NELL1: variants seen among roughly 807,000 people sequenced by gnomAD.
The protein encoded by NELL1 is neural EGFL like 1.
NELL1 carries 76 observed loss-of-function variants against 107.4 expected under a neutral mutation model. The ratio of observed to expected loss-of-function variants is 0.71; its 90% confidence interval spans 0.59 to 0.86. The LOEUF is 0.86. Among genes scored for constraint, NELL1 ranks in the 40% least tolerant of loss-of-function variants. The pLI, the probability that NELL1 is intolerant of heterozygous loss-of-function variation, is 0.00. For synonymous variants in NELL1, 353 were observed against 341.2 expected (o/e 1.03, Z -0.38); for missense variants, 1,024 against 1,005.5 (o/e 1.02, Z -0.25).
intron 2 of NELL1, among the ~76,000 whole-genome samples, chr11:20,753,615 T>G (rs1163744694): frequency 6.6e-6 from 1 of 152,228 alleles, no homozygotes. Context: ...GTCTAAAAGA[T>G]CAATAGCCAA....
intron 13 of NELL1, among the ~76,000 whole-genome samples, chr11:21,149,418 G>A (rs919161952): frequency 6.6e-6 from 1 of 152,182 alleles, no homozygotes. Context: ...AGGCAAAGGA[G>A]GAGCAAAGTC....
At chr11:21,280,099 A>G (rs1280624654) in intron 14 of NELL1, among the ~76,000 whole-genome samples, 5 of 152,192 alleles carry the variant, frequency 3.3e-5, no homozygotes, top group African/African-American at 1.2e-4. Flanking sequence ...TTTTTAAGGC[A>G]GTGAAACTAC....
chr11:20,962,500 C>A (rs574895213), intron 12 of NELL1, among the ~76,000 whole-genome samples: 1 of 152,274 alleles, frequency 6.6e-6, no homozygotes, highest in South Asian at 2.1e-4. Flanking sequence ...TCAGCATAGC[C>A]ACCATTCCTG....
intron 12 of NELL1, among the ~76,000 whole-genome samples, chr11:21,037,307 C>G (rs1853117238): frequency 6.6e-6 from 1 of 152,048 alleles, no homozygotes; most frequent in Admixed American, 6.6e-5. Context: ...TTGGCTTCTT[C>G]TAAGTGCATT....
chr11:21,258,111 C>A (rs1336445119), intron 14 of NELL1, among the ~76,000 whole-genome samples: 1 of 152,018 alleles, frequency 6.6e-6, no homozygotes, highest in Non-Finnish European at 1.5e-5. Context: ...GGTTTGGATT[C>A]TTATCTGGGG....
rs565293041 is a variant in NELL1, at chr11:21,215,768, G to A, written c.1427-13564G>A. Among the ~76,000 whole-genome samples the A allele has an allele frequency of 3.3e-5, 5 of 152,262 alleles. No homozygotes were observed. The South Asian group carries it at 1.0e-3, about 32-fold the overall frequency. Reference sequence around the variant, plus strand: ...AGATGATTTAGGGTGATTTGTGGAAGGAATTTCTAAGTAGCAAAGCATTCA... The same window carrying A: ...AGATGATTTAGGGTGATTTGTGGAAAGAATTTCTAAGTAGCAAAGCATTCA... On this transcript the variant is annotated intron_variant, in intron 13 of 19. Transcript: ENST00000357134.
intron 12 of NELL1, among the ~76,000 whole-genome samples, chr11:21,016,968 C>A (rs1160539586): frequency 6.6e-6 from 1 of 152,088 alleles, no homozygotes; most frequent in Non-Finnish European, 1.5e-5. Flanking sequence ...TCTCTGGTCT[C>A]AATTCCTAGG....
chr11:21,016,932 T>C (rs1852579158), intron 12 of NELL1, among the ~76,000 whole-genome samples: 2 of 152,094 alleles, frequency 1.3e-5, no homozygotes. Context: ...TTATGAGCTA[T>C]GTTACCCTGG....
At chr11:21,192,857 G>C (rs547921913) in intron 13 of NELL1, among the ~76,000 whole-genome samples, 2 of 151,958 alleles carry the variant, frequency 1.3e-5, no homozygotes, top group Admixed American at 1.3e-4. Flanking sequence ...ACTCCCCACT[G>C]GGGCAAACTT....
At chr11:21,295,024 T>C (rs1387387657) in intron 14 of NELL1, among the ~76,000 whole-genome samples, 1 of 152,126 alleles carries the variant, frequency 6.6e-6, no homozygotes, top group Non-Finnish European at 1.5e-5. Context: ...CGTTCTGTTA[T>C]TCCACAGCTA....
intron 15 of NELL1, among the ~76,000 whole-genome samples, chr11:21,402,290 C>T (rs1208913912): frequency 6.6e-6 from 1 of 151,814 alleles, no homozygotes; most frequent in East Asian, 2.0e-4. Flanking sequence ...TTTCCTCACA[C>T]TCTTCTCAAC....
intron 12 of NELL1, among the ~76,000 whole-genome samples, chr11:21,104,798 G>A (rs1301252294): frequency 2.6e-5 from 4 of 152,158 alleles, no homozygotes; most frequent in African/African-American, 7.2e-5. Flanking sequence ...AGACTAGATG[G>A]CTTGCACAAC....
intron 14 of NELL1, among the ~76,000 whole-genome samples, chr11:21,272,207 T>C (rs1848754090): frequency 2.0e-5 from 3 of 152,204 alleles, no homozygotes; most frequent in Non-Finnish European, 2.9e-5. Context: ...CCCACCCTAA[T>C]ACTGCACTTT....
At chr11:21,472,832 CCCTTT>C (rs1854217927) in intron 15 of NELL1, among the ~76,000 whole-genome samples, 1 of 151,060 alleles carries the variant, frequency 6.6e-6, no homozygotes, top group Non-Finnish European at 1.5e-5. Flanking sequence ...CCCTTCCCTT[CCCTTT>C]CCTTCCCTTC....
intron 12 of NELL1, among the ~76,000 whole-genome samples, chr11:21,014,611 T>C (rs1852523568): frequency 1.3e-5 from 2 of 152,240 alleles, no homozygotes; most frequent in South Asian, 4.1e-4. Flanking sequence ...ATTATTTGCC[T>C]GCAAATTGCT....
chr11:21,550,929 G>T lies in NELL1; in HGVS notation c.1787-9260G>T, dbSNP rs570361659. On this transcript the variant is annotated intron_variant, in intron 16 of 19. Coordinates refer to ENST00000357134, the MANE Select transcript of NELL1 (RefSeq NM_006157.5). ...GGCATTGAATCTATAAATTACCTTG[G>T]GCAGTATGGCCATTTTCACGATGTT... Among the ~76,000 whole-genome samples, 32 of 151,394 alleles carry T rather than the reference G, an allele frequency of 2.1e-4. No individual in the cohort carries two copies. The South Asian group carries it at 6.5e-3, about 31-fold the overall frequency.
intron 2 of NELL1, among the ~76,000 whole-genome samples, chr11:20,755,293 T>C (rs894985261): frequency 5.9e-5 from 9 of 152,288 alleles, no homozygotes; most frequent in Non-Finnish European, 1.2e-4. Flanking sequence ...GATCCAGTTG[T>C]AGTCGCCTAT....
chr11:20,778,158 A>AT (rs1199202596), intron 2 of NELL1, among the ~76,000 whole-genome samples: 6 of 152,132 alleles, frequency 3.9e-5, no homozygotes, highest in African/African-American at 1.4e-4. Flanking sequence ...GTCAGGTTCA[A>AT]TTATATCCTC....
At chr11:20,915,700 G>GATATATAT (rs369114547) in intron 5 of NELL1, among the ~76,000 whole-genome samples, 9 of 29,456 alleles carry the variant, frequency 3.1e-4, no homozygotes, top group East Asian at 3.6e-3. Flanking sequence ...CCTCATAGAT[G>GATATATAT]ATATATATAT....
Sources: gnomAD v4.1 joint callset for allele counts (sites outside exome capture counted in the v4.1 genomes callset) on GRCh38, gnomAD v4.1.1 for gene constraint, MANE v1.5 for transcripts, NCBI Gene and HGNC (gene_info 2026-07-23, HGNC 2026-07-21) for gene names.